Variants in TMPRSS11E observed in about 807,000 individuals in gnomAD.
TMPRSS11E encodes transmembrane serine protease 11E, also known as transmembrane protease serine 11E.
In TMPRSS11E, 38 loss-of-function variants were observed where a neutral mutation model predicts 48.1. The observed-to-expected ratio is 0.79, with a 90% CI of 0.61 to 1.04. The LOEUF (loss-of-function observed/expected upper bound fraction) is 1.04. Ranked by LOEUF, TMPRSS11E falls within the 50% of genes least tolerant of loss-of-function variation. The probability of loss-of-function intolerance (pLI) is 0.00; values close to 1 mark genes in which losing one functional copy is unlikely to be tolerated. For synonymous variants in TMPRSS11E, 158 were observed against 171.9 expected, an observed-to-expected ratio of 0.92 and a Z score of 0.63; for missense variants, 530 against 510.8, an observed-to-expected ratio of 1.04 and a Z score of -0.36.
At chr4:68,482,590 C>CAAAAAAAAAA (rs371144994) in intron 9 of TMPRSS11E, among the ~76,000 whole-genome samples, 29 of 106,080 alleles carry the variant, frequency 2.7e-4, no homozygotes, top group Non-Finnish European at 4.1e-4. Flanking sequence ...TGCATCTCCA[C>CAAAAAAAAAA]AAAAAAAAAA....
intron 3 of TMPRSS11E, 57 bp from the exon 4 acceptor site, chr4:68,468,822 T>C: frequency 8.0e-7 from 1 of 1,250,944 alleles, no homozygotes; most frequent in Non-Finnish European, 1.2e-6. Context: ...TTGAATTAAT[T>C]TGTGGAATTT....
intron 2 of TMPRSS11E, among the ~76,000 whole-genome samples, chr4:68,462,526 T>C (rs1330400903): frequency 6.7e-6 from 1 of 149,006 alleles, no homozygotes; most frequent in African/African-American, 2.5e-5. Context: ...GAGGTTTCAG[T>C]GAGCCGAGAT....
chr4:68,490,839 A>C (rs1231319842), intron 9 of TMPRSS11E, among the ~76,000 whole-genome samples: 1 of 135,132 alleles, frequency 7.4e-6, no homozygotes, highest in African/African-American at 2.8e-5. Context: ...GCTCACTGCA[A>C]CCTCTGCCTC....
intron 9 of TMPRSS11E, among the ~76,000 whole-genome samples, chr4:68,491,140 G>T (rs1282374449): frequency 4.6e-5 from 7 of 151,776 alleles, no homozygotes; most frequent in African/African-American, 1.7e-4. Flanking sequence ...CTTTTCAGTT[G>T]GGATTTATTG....
Position 68,477,469 on chromosome 4 carries a change from A to G in TMPRSS11E, c.808A>G (p.Lys270Glu), listed in dbSNP as rs1327164510. ...GAGAATAATTGTCCATGAAAAATACAAACACCCATCACATGACTATGATAT... is the reference window on the plus strand; with the variant it reads ...GAGAATAATTGTCCATGAAAAATACGAACACCCATCACATGACTATGATAT... The part of the protein sequence containing the change: ...LRRIIVHEKY[K>E]HPSHDYDISL... Residue 270 changes from lysine to glutamate, a missense_variant, in exon 8 of 10, where the codon AAA becomes GAA. Lys to Glu is a moderately conservative substitution (Grantham distance 56). Coordinates refer to ENST00000305363, the MANE Select transcript of TMPRSS11E (RefSeq NM_014058.4). The G allele has an allele frequency of 2.5e-6, 4 of 1,613,990 alleles. No individual in the cohort carries two copies. Among genetic ancestry groups the G allele is most frequent in the Non-Finnish European group, 3.4e-6 (4 of 1,179,992 alleles).
At chr4:68,483,993 G>A (rs1729482303) in intron 9 of TMPRSS11E, among the ~76,000 whole-genome samples, 1 of 152,030 alleles carries the variant, frequency 6.6e-6, no homozygotes. Context: ...ATTGATCTAT[G>A]TGTCTACTTT....
chr4:68,489,485 C>T (rs1003677743), intron 9 of TMPRSS11E, among the ~76,000 whole-genome samples: 4 of 152,048 alleles, frequency 2.6e-5, no homozygotes, highest in Non-Finnish European at 4.4e-5. Context: ...CACAGGCATG[C>T]GTGCTGGTGG....
intron 1 of TMPRSS11E, among the ~76,000 whole-genome samples, chr4:68,458,151 T>C (rs1373169092): frequency 1.3e-5 from 2 of 152,202 alleles, no homozygotes; most frequent in South Asian, 4.1e-4. Context: ...TGGTAAATTT[T>C]TCTTTGAAAC....
chr4:68,459,441 CTTAT>C (rs1206025369), intron 1 of TMPRSS11E, among the ~76,000 whole-genome samples: 1 of 151,864 alleles, frequency 6.6e-6, no homozygotes, highest in African/African-American at 2.4e-5. Context: ...AAATTTCTCA[CTTAT>C]TTGTTATTCG....
intron 9 of TMPRSS11E, among the ~76,000 whole-genome samples, chr4:68,486,303 T>G (rs1729552294): frequency 6.6e-6 from 1 of 152,232 alleles, no homozygotes; most frequent in African/African-American, 2.4e-5. Flanking sequence ...CTGTTAATAC[T>G]GCTTTACCTG....
At chr4:68,469,685 C>G (rs1172322336) in intron 4 of TMPRSS11E, among the ~76,000 whole-genome samples, 2 of 151,862 alleles carry the variant, frequency 1.3e-5, no homozygotes, top group African/African-American at 4.8e-5. Flanking sequence ...TTAAGTTTCA[C>G]TTTCTCAAAG....
intron 9 of TMPRSS11E, among the ~76,000 whole-genome samples, chr4:68,489,451 G>A (rs1729654092): frequency 6.6e-6 from 1 of 152,278 alleles, no homozygotes. Flanking sequence ...ATACGTGCTG[G>A]TCGTGGGGTA....
intron 4 of TMPRSS11E, among the ~76,000 whole-genome samples, chr4:68,469,497 C>G (rs183502590): frequency 2.6e-5 from 4 of 151,984 alleles, no homozygotes; most frequent in Admixed American, 6.6e-5. Context: ...TATTAAAAAA[C>G]AGAATAAGAA....
chr4:68,451,467 T>A (rs1298702360), intron 1 of TMPRSS11E, among the ~76,000 whole-genome samples: 2 of 151,878 alleles, frequency 1.3e-5, no homozygotes, highest in Non-Finnish European at 2.9e-5. Flanking sequence ...GGGCAATTTT[T>A]AGAATTGCAA....
intron 1 of TMPRSS11E, among the ~76,000 whole-genome samples, chr4:68,454,628 A>G (rs995451674): frequency 6.6e-6 from 1 of 151,834 alleles, no homozygotes; most frequent in South Asian, 2.1e-4. Context: ...ACATTTTTCA[A>G]TTTCTCCTCA....
In TMPRSS11E at chr4:68,461,880, T is replaced by C. The variant is rs1286340362; in HGVS notation, c.71T>C (p.Val24Ala). ...VCWEPWVIGL[V>A]IFISLIVLAV... ...TGGGAACCCTGGGTTATCGGCCTCG[T>C]CATCTTCATATCCCTGATTGTCCTG... Residue 24 changes from valine (V) to alanine (A), a missense_variant, in exon 2 of 10, where the codon GTC (valine) becomes GCC (alanine). By Grantham distance (64) the Val-to-Ala change is moderately conservative. Coordinates refer to ENST00000305363, the MANE Select transcript of TMPRSS11E (RefSeq NM_014058.4). 1 of 1,614,096 alleles carries C rather than the reference T, an allele frequency of 6.2e-7. No individual in the cohort carries two copies. The highest frequency in any genetic ancestry group is 1.3e-5 in the African/African-American group (1 of 74,948).
At chr4:68,478,686 T>C (rs2708691) in intron 8 of TMPRSS11E, among the ~76,000 whole-genome samples, 163 bp from the exon 9 acceptor site, 100,189 of 151,512 alleles carry the variant, frequency 0.66, 33,498 homozygotes, top group East Asian at 0.86. Flanking sequence ...AACTCCTGGC[T>C]TCAAGCGATC....
intron 1 of TMPRSS11E, among the ~76,000 whole-genome samples, chr4:68,447,974 G>A (rs1728388405): frequency 6.6e-6 from 1 of 151,918 alleles, no homozygotes. Flanking sequence ...AAAAACTCTA[G>A]ATGTTTTGAA....
intron 9 of TMPRSS11E, among the ~76,000 whole-genome samples, chr4:68,487,222 A>C (rs868848949): frequency 4.0e-5 from 6 of 151,302 alleles, no homozygotes; most frequent in Admixed American, 2.6e-4. Context: ...GTGTCAGTGG[A>C]CTATGTAATT....
Sources: allele counts gnomAD v4.1 joint callset (sites outside exome capture counted in the v4.1 genomes callset), GRCh38; gene constraint gnomAD v4.1.1; transcripts MANE v1.5; gene names NCBI Gene and HGNC (gene_info 2026-07-23, HGNC 2026-07-21).